C1QTNF3: variants seen among roughly 807,000 people sequenced by gnomAD.
The protein encoded by C1QTNF3 is complement C1q tumor necrosis factor-related protein 3.
Under a neutral mutation model 32.6 loss-of-function variants are expected in C1QTNF3, and 26 were observed. The observed-to-expected ratio is 0.80, with a 90% CI of 0.58 to 1.11. C1QTNF3 has a LOEUF of 1.11. Among genes scored for constraint, C1QTNF3 ranks in the 50% least tolerant of loss-of-function variants. The pLI, the probability that C1QTNF3 is intolerant of heterozygous loss-of-function variation, is 0.00. For missense variants in C1QTNF3, 362 were observed against 398.2 expected (o/e 0.91, Z 0.77); for synonymous variants, 155 against 146.0 (o/e 1.06, Z -0.44).
the C1QTNF3 span, chr5:34,106,457 AATG>A: frequency 2.7e-5 from 4 of 148,130 alleles, no homozygotes; most frequent in African/African-American, 5.0e-5. Flanking sequence ...CTGTTCCATA[AATG>A]ATGATAATTT....
chr5:34,090,093 A>G, the C1QTNF3 span, among the ~76,000 whole-genome samples: 2 of 152,144 alleles, frequency 1.3e-5, no homozygotes, highest in Non-Finnish European at 2.9e-5. Flanking sequence ...CAACACTGAA[A>G]TGGGAAAACA....
chr5:34,209,681 T>C, the C1QTNF3 span, among the ~76,000 whole-genome samples: 1 of 151,990 alleles, frequency 6.6e-6, no homozygotes, highest in Non-Finnish European at 1.5e-5. Flanking sequence ...TTAAAATAAA[T>C]TGATGGCTGT....
At chr5:34,136,165 A>C in the C1QTNF3 span, among the ~76,000 whole-genome samples, 1 of 152,226 alleles carries the variant, frequency 6.6e-6, no homozygotes, top group African/African-American at 2.4e-5. Context: ...TAATTAAACT[A>C]AAGAGCTTCT....
the C1QTNF3 span, among the ~76,000 whole-genome samples, chr5:34,119,599 C>G: frequency 2.0e-5 from 3 of 152,236 alleles, no homozygotes; most frequent in East Asian, 3.9e-4. Flanking sequence ...ATATGTCTCA[C>G]TGTGCTAAAA....
At chr5:34,231,683 G>A in the C1QTNF3 span, among the ~76,000 whole-genome samples, 9 of 152,310 alleles carry the variant, frequency 5.9e-5, no homozygotes, top group Admixed American at 1.3e-4. Flanking sequence ...TTGTGCAGAC[G>A]GGAAGAGTTG....
At chr5:34,041,044 T>C (rs1198523407) in intron 1 of C1QTNF3, among the ~76,000 whole-genome samples, 3 of 152,194 alleles carry the variant, frequency 2.0e-5, no homozygotes, top group African/African-American at 7.2e-5. Flanking sequence ...TATCTTTATA[T>C]ATCCCTGGCC....
the C1QTNF3 span, among the ~76,000 whole-genome samples, chr5:34,240,682 A>T: frequency 2.0e-5 from 3 of 152,196 alleles, no homozygotes; most frequent in African/African-American, 7.2e-5. Context: ...GCAAAATTCT[A>T]CCGGAAGTAT....
the C1QTNF3 span, chr5:34,124,363 A>C: frequency 1.4e-6 from 1 of 703,392 alleles, no homozygotes; most frequent in Non-Finnish European, 2.6e-6. Flanking sequence ...ACTTATAAGA[A>C]GAGATATTTA....
the C1QTNF3 span, among the ~76,000 whole-genome samples, chr5:34,189,030 T>C: frequency 6.7e-6 from 1 of 148,222 alleles, no homozygotes; most frequent in Admixed American, 6.7e-5. Flanking sequence ...TAAATGGATG[T>C]TCCCCTGCAC....
chr5:34,218,940 T>C, the C1QTNF3 span, among the ~76,000 whole-genome samples: 2 of 152,070 alleles, frequency 1.3e-5, no homozygotes, highest in Non-Finnish European at 2.9e-5. Context: ...ATTATGTGTC[T>C]TCTAAAGAGA....
chr5:34,087,792 C>T, the C1QTNF3 span, among the ~76,000 whole-genome samples: 4 of 152,078 alleles, frequency 2.6e-5, no homozygotes, highest in African/African-American at 9.7e-5. Context: ...TCATTTTGCC[C>T]AAGTTGGTTT....
the C1QTNF3 span, among the ~76,000 whole-genome samples, chr5:34,221,339 G>A: frequency 1.3e-5 from 2 of 152,080 alleles, no homozygotes; most frequent in Middle Eastern, 3.4e-3. Context: ...GCTGTTTTTA[G>A]ATAAATTCTA....
the C1QTNF3 span, among the ~76,000 whole-genome samples, chr5:34,174,908 C>A: frequency 6.6e-6 from 1 of 150,822 alleles, no homozygotes; most frequent in Non-Finnish European, 1.5e-5. Flanking sequence ...CCACCACGCC[C>A]GGCTGATTTT....
At chr5:34,091,183 G>A in the C1QTNF3 span, among the ~76,000 whole-genome samples, 36 of 152,154 alleles carry the variant, frequency 2.4e-4, no homozygotes, top group African/African-American at 5.1e-4. Context: ...CACATTGAGC[G>A]TTACAAGCAG....
the C1QTNF3 span, among the ~76,000 whole-genome samples, chr5:34,156,406 TGAA>T: frequency 6.6e-6 from 1 of 152,250 alleles, no homozygotes; most frequent in Non-Finnish European, 1.5e-5. Context: ...ATAAAAAATC[TGAA>T]GAATAAATCA....
At chr5:34,073,123 C>T in the C1QTNF3 span, among the ~76,000 whole-genome samples, 2 of 152,042 alleles carry the variant, frequency 1.3e-5, no homozygotes, top group African/African-American at 4.8e-5. Flanking sequence ...GTCAGGAGAT[C>T]GAGACCATCC....
chr5:34,138,779 G>T, the C1QTNF3 span, among the ~76,000 whole-genome samples: 1 of 151,932 alleles, frequency 6.6e-6, no homozygotes, highest in Non-Finnish European at 1.5e-5. Flanking sequence ...CATAATTTTT[G>T]AAAAAATACT....
chr5:34,072,377 GAA>G, the C1QTNF3 span, among the ~76,000 whole-genome samples: 2 of 143,722 alleles, frequency 1.4e-5, no homozygotes, highest in African/African-American at 5.4e-5. Context: ...GAAAGAGAAA[GAA>G]AGAAAGAAAG....
At chr5:34,226,806 G>A in the C1QTNF3 span, among the ~76,000 whole-genome samples, 1 of 151,374 alleles carries the variant, frequency 6.6e-6, no homozygotes, top group Non-Finnish European at 1.5e-5. Context: ...GCTAGTTACA[G>A]AAAAGAAAGT....
Sources: gnomAD v4.1 joint callset for allele counts (sites outside exome capture counted in the v4.1 genomes callset) on GRCh38, gnomAD v4.1.1 for gene constraint, MANE v1.5 for transcripts, NCBI Gene and HGNC (gene_info 2026-07-23, HGNC 2026-07-21) for gene names.